The following ERN1 variants were observed in gnomAD, a reference collection of about 807,000 sequenced individuals.
ERN1 encodes the protein endoplasmic reticulum to nucleus signaling 1.
Under a neutral mutation model 113.1 loss-of-function variants are expected in ERN1, and 39 were observed. That is an observed-to-expected ratio of 0.34 (90% CI 0.27 to 0.45). The LOEUF is 0.45. Among genes scored for constraint, ERN1 ranks in the 20% least tolerant of loss-of-function variants. The probability of loss-of-function intolerance (pLI) is 1.00; values close to 1 mark genes in which losing one functional copy is unlikely to be tolerated. For missense variants in ERN1, 976 were observed against 1,274.8 expected (o/e 0.77, Z 3.57); for synonymous variants, 507 against 515.9 (o/e 0.98, Z 0.23).
At chr17:64,099,477 C>A (rs1438479324) in intron 1 of ERN1, among the ~76,000 whole-genome samples, 1 of 151,846 alleles carries the variant, frequency 6.6e-6, no homozygotes, top group Non-Finnish European at 1.5e-5. Flanking sequence ...GAGATTTTCT[C>A]TTCTTTTGTC....
At chr17:64,079,410 A>G (rs1196460287) in intron 4 of ERN1, among the ~76,000 whole-genome samples, 4 of 152,118 alleles carry the variant, frequency 2.6e-5, no homozygotes, top group African/African-American at 9.7e-5. Context: ...CCTCCAGTGT[A>G]TGGGCTGGGC....
intron 2 of ERN1, among the ~76,000 whole-genome samples, chr17:64,086,710 A>G (rs768953726): frequency 5.6e-5 from 7 of 126,018 alleles, no homozygotes; most frequent in South Asian, 5.1e-4. Context: ...GCAGTGGCAC[A>G]ATCTCAGCAA....
intron 2 of ERN1, among the ~76,000 whole-genome samples, chr17:64,085,254 T>A (rs997323276): frequency 5.9e-5 from 9 of 152,210 alleles, no homozygotes; most frequent in Non-Finnish European, 1.2e-4. Flanking sequence ...GGCTCACGTT[T>A]CTGCAGGCTG....
At chr17:64,061,866 C>T (rs139513655) in intron 10 of ERN1, among the ~76,000 whole-genome samples, 1 of 152,362 alleles carries the variant, frequency 6.6e-6, no homozygotes, top group African/African-American at 2.4e-5. Flanking sequence ...CTTCCCACAA[C>T]ACCCACTCAG....
intron 2 of ERN1, among the ~76,000 whole-genome samples, chr17:64,088,865 C>T (rs574044104): frequency 1.8e-4 from 27 of 152,240 alleles, no homozygotes; most frequent in African/African-American, 4.6e-4. Flanking sequence ...ACTGTGTTCA[C>T]GGGACAGAGG....
At position 64,098,879 on chromosome 17, in the gene ERN1, T is replaced by A. The variant is rs1020598214; in HGVS notation, c.55-638A>T. On this transcript the variant is annotated intron_variant, in intron 1 of 21. Transcript: ENST00000433197. ...CAAACTTAAAACAAAACAAAAAAAA[T>A]TTTAAAAGAAATAACCAAAGGCTGT... 9.9e-5 allele frequency among the ~76,000 whole-genome samples: 15 copies of A among 152,228 alleles called. No individual in the cohort carries two copies. In the South Asian group the frequency reaches 1.0e-3, roughly 11 times the overall value.
At chr17:64,079,770 C>G in intron 3 of ERN1, 36 bp from the exon 4 acceptor site, 1 of 1,543,302 alleles carries the variant, frequency 6.5e-7, no homozygotes. Context: ...AGATAAATTA[C>G]AGCCCAGGGC....
intron 1 of ERN1, among the ~76,000 whole-genome samples, chr17:64,110,060 T>G (rs1445264045): frequency 6.6e-6 from 1 of 152,156 alleles, no homozygotes; most frequent in African/African-American, 2.4e-5. Flanking sequence ...TAAAAAATGT[T>G]CAGCATGAAA....
intron 7 of ERN1, chr17:64,067,857 G>A (rs1162477261): frequency 4.9e-6 from 1 of 204,974 alleles, no homozygotes; most frequent in African/African-American, 2.3e-5. Context: ...CTTCTTGACA[G>A]GGTTGTTAAT....
intron 18 of ERN1, among the ~76,000 whole-genome samples, 158 bp from the exon 19 acceptor site, chr17:64,048,143 A>T (rs196924): frequency 0.98 from 149,065 of 152,342 alleles, 73,037 homozygotes; most frequent in Middle Eastern, 1. Context: ...CCTCAGCCAA[A>T]GAGGTGAGTC....
Position 64,107,139 on chromosome 17 carries a change from A to C in ERN1, c.55-8898T>G, listed in dbSNP as rs1468744826. On this transcript the variant is annotated intron_variant, in intron 1 of 21. Transcript: ENST00000433197. Reference sequence around the variant, plus strand: ...CAAAAATTCACCAAAGCAGTAGAACACTGAAATCAGTGCCCAGTAAGTGCA... The same window carrying C: ...CAAAAATTCACCAAAGCAGTAGAACCCTGAAATCAGTGCCCAGTAAGTGCA... Among the ~76,000 whole-genome samples the C allele has an allele frequency of 2.6e-5, 4 of 152,294 alleles. No individual in the cohort carries two copies. The East Asian group carries it at 5.8e-4, about 22-fold the overall frequency.
At chr17:64,098,269 T>C (rs1316312917) in intron 1 of ERN1, 28 bp from the exon 2 acceptor site, 1 of 1,613,454 alleles carries the variant, frequency 6.2e-7, no homozygotes, top group Non-Finnish European at 8.5e-7. Flanking sequence ...AGACTCTTAA[T>C]GTTGATATGA....
intron 1 of ERN1, chr17:64,098,679 T>C: frequency 2.3e-6 from 1 of 439,278 alleles, no homozygotes. Flanking sequence ...TAGGGGAAAA[T>C]GCTTAAAGCA....
intron 1 of ERN1, among the ~76,000 whole-genome samples, chr17:64,116,048 C>G (rs748692221): frequency 1.3e-5 from 2 of 152,150 alleles, no homozygotes; most frequent in Non-Finnish European, 2.9e-5. Flanking sequence ...CCGCTTATCT[C>G]AAAATATTGC....
intron 9 of ERN1, among the ~76,000 whole-genome samples, chr17:64,064,419 T>G (rs142272884): frequency 1.3e-5 from 2 of 151,326 alleles, no homozygotes; most frequent in Non-Finnish European, 3.0e-5. Flanking sequence ...TCCAAGAAGC[T>G]ATTATGAGAA....
At chr17:64,086,082 C>T (rs1913915254) in intron 2 of ERN1, among the ~76,000 whole-genome samples, 1 of 152,182 alleles carries the variant, frequency 6.6e-6, no homozygotes, top group African/African-American at 2.4e-5. Flanking sequence ...ATCCTGTCTC[C>T]AAGGATCTTC....
At position 64,044,173 on chromosome 17, in the gene ERN1, C is replaced by T; in HGVS notation, c.2749G>A (p.Glu917Lys). The T allele has an allele frequency of 6.3e-7, 1 of 1,575,334 alleles. No individual in the cohort carries two copies. The highest frequency in any genetic ancestry group is 1.2e-5 in the South Asian group (1 of 86,064). ...KKHHYRELPA[E>K]VRETLGSLPD... ...AGGGACCCCAGCGTCTCCCGCACCT[C>T]TGCAGGCAGCTCCCGGTAGTGGTGC... Residue 917 changes from glutamate (E) to lysine (K), a missense_variant, in exon 22 of 22, where the codon GAG becomes AAG. Around this residue, in one of 5 missense-constraint regions of ERN1, gnomAD observed 92 missense variants for 87.3 expected, o/e 1.05. Coordinates refer to ENST00000433197, the MANE Select transcript of ERN1 (RefSeq NM_001433.5). The surrounding 1 kb of genome is among the most constrained non-coding windows in gnomAD (Gnocchi z 4.1).
intron 9 of ERN1, 126 bp from the exon 10 acceptor site, chr17:64,064,277 G>C (rs80287189): frequency 1.9e-4 from 206 of 1,072,984 alleles, no homozygotes; most frequent in Non-Finnish European, 2.5e-4. Context: ...GACAGAGCAA[G>C]ACACAAAGGC....
Position 64,054,215 on chromosome 17 carries a change from T to C in ERN1, c.1953+35A>G. On this transcript the variant is annotated intron_variant, in intron 15 of 21. Transcript: ENST00000433197. The surrounding 1 kb of genome is among the most constrained non-coding windows in gnomAD (Gnocchi z 4.9). ...TTGGCCTCCCAAAGTGCTATGACTT[T>C]AATAAAGTTAACAAAATAAAAAAAA... 2 of 1,556,652 alleles carry C rather than the reference T, an allele frequency of 1.3e-6. No homozygotes were observed.
Sources: gnomAD v4.1 joint callset for allele counts (sites outside exome capture counted in the v4.1 genomes callset) on GRCh38, gnomAD v4.1.1 for gene constraint, gnomAD v4.1.1 regional missense constraint, Gnocchi (gnomAD v3.1) non-coding constraint, MANE v1.5 for transcripts, NCBI Gene and HGNC (gene_info 2026-07-23, HGNC 2026-07-21) for gene names.